MOSPD1: variants seen among roughly 807,000 people sequenced by gnomAD.
MOSPD1 encodes the protein motile sperm domain containing 1.
A neutral mutation model predicts 16.7 loss-of-function variants in MOSPD1; 5 were observed. That is an observed-to-expected ratio of 0.30 (90% CI 0.16 to 0.63). The LOEUF is 0.63. Among genes scored for constraint, MOSPD1 ranks in the 30% least tolerant of loss-of-function variants. The pLI is 0.82. For missense variants in MOSPD1, 104 were observed against 153.6 expected, an observed-to-expected ratio of 0.68 and a Z score of 1.71; for synonymous variants, 67 against 59.2, an observed-to-expected ratio of 1.13 and a Z score of -0.61.
intron 4 of MOSPD1, among the ~76,000 whole-genome samples, chrX:134,894,949 A>C (rs2082878599): frequency 1.8e-5 from 2 of 112,098 alleles, no homozygotes; most frequent in African/African-American, 6.5e-5. Flanking sequence ...TTTTCCCTCA[A>C]AACAGAGATC....
At chrX:134,912,217 T>C (rs1388544795) in intron 1 of MOSPD1, among the ~76,000 whole-genome samples, 1 of 111,596 alleles carries the variant, frequency 9.0e-6, no homozygotes, top group African/African-American at 3.3e-5. Context: ...CCTGCCTAAT[T>C]TTGTATTTTT....
In MOSPD1 at chrX:134,887,715, A is replaced by G. The variant is rs1027787878; in HGVS notation, c.*1446T>C. The G allele has an allele frequency of 8.8e-6, 1 of 113,653 alleles. No homozygotes were observed. The highest frequency in any genetic ancestry group is 3.2e-5 in the African/African-American group (1 of 31,267). The allele number at this position is 113,653 out of a possible 1,213,427, so 9.4% of individuals were successfully genotyped here. On this transcript the variant is annotated 3_prime_UTR_variant, in exon 6 of 6. Transcript: ENST00000370783. ...TACACACACACATGTGCACTTGCAC[A>G]CACGTGCACACACAGGACTTGAGAT...
At chrX:134,897,160 T>A (rs921321171) in intron 3 of MOSPD1, 126 bp from the exon 4 acceptor site, 11 of 449,083 alleles carry the variant, frequency 2.4e-5, no homozygotes, top group Non-Finnish European at 3.7e-5. Context: ...AAAACAGAAA[T>A]TTGCTAAGAT....
At chrX:134,905,267 G>T (rs1403382456) in intron 1 of MOSPD1, among the ~76,000 whole-genome samples, 3 of 108,338 alleles carry the variant, frequency 2.8e-5, no homozygotes, top group Non-Finnish European at 5.7e-5. Flanking sequence ...TACTCAGGAG[G>T]CTGAGGAAGG....
chrX:134,914,349 A>G (rs1300875680), intron 1 of MOSPD1, among the ~76,000 whole-genome samples: 1 of 111,804 alleles, frequency 8.9e-6, no homozygotes, highest in African/African-American at 3.3e-5. Context: ...AAACCGCAGA[A>G]CATTGATTAA....
intron 4 of MOSPD1, 36 bp downstream of exon 4, chrX:134,896,781 G>A (rs762532174): frequency 9.7e-7 from 1 of 1,027,838 alleles, no homozygotes; most frequent in Non-Finnish European, 1.4e-6. Context: ...TAATGTGTAA[G>A]ACCTCAAAAG....
At chrX:134,914,311 G>A (rs1603258370) in intron 1 of MOSPD1, among the ~76,000 whole-genome samples, 1 of 111,962 alleles carries the variant, frequency 8.9e-6, no homozygotes, top group South Asian at 3.7e-4. Context: ...GGAGAGGGCA[G>A]ATGTCAATTA....
chrX:134,905,086 G>A (rs1207817339), intron 1 of MOSPD1, among the ~76,000 whole-genome samples: 1 of 105,176 alleles, frequency 9.5e-6, no homozygotes, highest in African/African-American at 3.3e-5. Flanking sequence ...AAGGCCGGGC[G>A]CGGTGGCTCA....
Position 134,891,454 on chromosome X carries a change from C to T in MOSPD1, c.610+25G>A, listed in dbSNP as rs368301327. ...ACACATAAAGCCCTACACATATGTC[C>T]CAAATGCATCTTTAAAACCCTTACC... On this transcript the variant is annotated intron_variant, in intron 5 of 5. Coordinates refer to ENST00000370783, the MANE Select transcript of MOSPD1 (RefSeq NM_019556.3). 1.2e-5 allele frequency: 14 copies of T among 1,201,653 alleles called. No homozygotes were observed. In the African/African-American group the frequency reaches 2.3e-4, roughly 20 times the overall value.
chrX:134,890,517 AAGAG>A (rs1371438743), intron 5 of MOSPD1, among the ~76,000 whole-genome samples: 4 of 110,796 alleles, frequency 3.6e-5, no homozygotes, highest in Admixed American at 9.6e-5. Context: ...CAAAATAAAA[AAGAG>A]AGAGCGGCCA....
In MOSPD1 at chrX:134,889,115, A is replaced by G; in HGVS notation, c.*46T>C. On this transcript the variant is annotated 3_prime_UTR_variant, in exon 6 of 6. Transcript: ENST00000370783. ...TAGAGATAAAAGGCAGTCCACATTC[A>G]TATTTTCAAGACAGATTTACTTCAG... The G allele has an allele frequency of 9.1e-7, 1 of 1,099,526 alleles. No homozygotes were observed. Among genetic ancestry groups the G allele is most frequent in the Non-Finnish European group, 1.2e-6 (1 of 803,038 alleles). The allele number at this position is 1,099,526 out of a possible 1,213,427, so 90.6% of individuals were successfully genotyped here.
At chrX:134,897,546 TAAAAAAAAA>T (rs1221758366) in intron 3 of MOSPD1, among the ~76,000 whole-genome samples, 1 of 57,925 alleles carries the variant, frequency 1.7e-5, no homozygotes, top group Non-Finnish European at 3.2e-5. Context: ...TCTGTCTTAT[TAAAAAAAAA>T]AAAAAAAAAA....
intron 1 of MOSPD1, among the ~76,000 whole-genome samples, chrX:134,910,804 A>G (rs1330380540): frequency 1.8e-5 from 2 of 111,968 alleles, no homozygotes; most frequent in African/African-American, 6.5e-5. Context: ...TTAGAGGCAG[A>G]TTGTGCAAGA....
At position 134,897,561 on chromosome X, in the gene MOSPD1, A is replaced by G. The variant is rs2082891551; in HGVS notation, c.231-527T>C. ...TCTGTCTTATTAAAAAAAAAAAAAA[A>G]AAAAAAAGAAAGAAAAAAAATTCTC... is the stretch of plus-strand genomic sequence containing the variant. On this transcript the variant is annotated intron_variant, in intron 3 of 5. Transcript: ENST00000370783. Among the ~76,000 whole-genome samples the G allele has an allele frequency of 8.0e-5, 6 of 75,372 alleles. No individual in the cohort carries two copies. In the Admixed American group the frequency reaches 8.1e-4, roughly 10 times the overall value. The allele number at this position is 75,372 out of a possible 115,157, so 65.5% of individuals were successfully genotyped here.
At chrX:134,904,255 T>G (rs1335617562) in intron 1 of MOSPD1, among the ~76,000 whole-genome samples, 1 of 112,031 alleles carries the variant, frequency 8.9e-6, no homozygotes, top group Admixed American at 9.5e-5. Context: ...ACACAATTTT[T>G]TACCTGTCCC....
chrX:134,889,253 T>C (rs1170905844), intron 5 of MOSPD1, 61 bp from the exon 6 acceptor site: 1 of 941,087 alleles, frequency 1.1e-6, no homozygotes, highest in Non-Finnish European at 1.5e-6. Flanking sequence ...TTTCATTCAA[T>C]AAGCAATTGT....
intron 1 of MOSPD1, among the ~76,000 whole-genome samples, chrX:134,901,235 T>C (rs774441990): frequency 8.9e-6 from 1 of 112,013 alleles, no homozygotes; most frequent in South Asian, 3.7e-4. Flanking sequence ...GAAGTTCAAG[T>C]CTAATTGACA....
At chrX:134,912,081 G>A (rs1046157867) in intron 1 of MOSPD1, among the ~76,000 whole-genome samples, 1 of 112,158 alleles carries the variant, frequency 8.9e-6, no homozygotes, top group Non-Finnish European at 1.9e-5. Flanking sequence ...ACAGAGTTTC[G>A]CTCTTATTGC....
chrX:134,902,849 CAAAA>C (rs779709545), intron 1 of MOSPD1, among the ~76,000 whole-genome samples: 1 of 65,336 alleles, frequency 1.5e-5, no homozygotes, highest in Non-Finnish European at 3.0e-5. Context: ...TGGGTTTATA[CAAAA>C]AAAAAAAAAA....
Sources: allele counts gnomAD v4.1 joint callset (sites outside exome capture counted in the v4.1 genomes callset), GRCh38; gene constraint gnomAD v4.1.1; transcripts MANE v1.5; gene names NCBI Gene and HGNC (gene_info 2026-07-23, HGNC 2026-07-21).